Variants in RBFOX1 observed in about 807,000 individuals in gnomAD.
RBFOX1 encodes RNA binding fox-1 homolog 1.
Under a neutral mutation model 57.7 loss-of-function variants are expected in RBFOX1, and 8 were observed. The ratio of observed to expected loss-of-function variants is 0.14; its 90% CI spans 0.08 to 0.25. The LOEUF is 0.25. RBFOX1 is among the 10% of genes least tolerant of loss of function. RBFOX1 has a pLI of 1.00. For synonymous variants in RBFOX1, 326 were observed against 222.4 expected, an observed-to-expected ratio of 1.47 and a Z score of -4.15; for missense variants, 611 against 548.5, an observed-to-expected ratio of 1.11 and a Z score of -1.14.
At chr16:7,696,555 G>A (rs185473386) in intron 14 of RBFOX1, among the ~76,000 whole-genome samples, 5 of 146,478 alleles carry the variant, frequency 3.4e-5, no homozygotes, top group East Asian at 1.9e-4. Flanking sequence ...CATTTTAGTC[G>A]ATTAATATCT....
intron 14 of RBFOX1, among the ~76,000 whole-genome samples, chr16:7,688,713 C>T (rs770607818): frequency 6.6e-6 from 1 of 152,000 alleles, no homozygotes; most frequent in Non-Finnish European, 1.5e-5. Flanking sequence ...GATGGTTGAT[C>T]TATAAAACCA....
At chr16:6,418,414 G>T (rs1450151012) in intron 2 of RBFOX1, among the ~76,000 whole-genome samples, 1 of 151,832 alleles carries the variant, frequency 6.6e-6, no homozygotes, top group Non-Finnish European at 1.5e-5. Flanking sequence ...AAACCTGGGA[G>T]TTATAAAGTA....
chr16:7,070,427 CA>C (rs2057091700), intron 4 of RBFOX1, among the ~76,000 whole-genome samples: 1 of 152,140 alleles, frequency 6.6e-6, no homozygotes, highest in African/African-American at 2.4e-5. Flanking sequence ...ATTCTGATAA[CA>C]ACTTAGAGAT....
At position 5,412,573 on chromosome 16, in the gene RBFOX1, G is replaced by C. The variant is rs891410242; in HGVS notation, c.220-54643G>C. Among the ~76,000 whole-genome samples, 8 of 152,158 alleles carry C rather than the reference G, an allele frequency of 5.3e-5. No individual in the cohort carries two copies. In the East Asian group the frequency reaches 1.5e-3, roughly 29 times the overall value. On this transcript the variant is annotated intron_variant, in intron 1 of 2. Transcript: ENST00000585867. Reference sequence around the variant, plus strand: ...GTCATTACAGTGGGATGGGCGTGAAGACTCCCCTGGAAGGGTTTAGAGTAG... The same window carrying C: ...GTCATTACAGTGGGATGGGCGTGAACACTCCCCTGGAAGGGTTTAGAGTAG...
intron 1 of RBFOX1, among the ~76,000 whole-genome samples, chr16:5,359,513 G>T (rs137859918): frequency 1.7e-4 from 26 of 152,260 alleles, no homozygotes; most frequent in Middle Eastern, 6.8e-3. Flanking sequence ...ATTTTAACTG[G>T]GGTGCGATGG....
intron 1 of RBFOX1, among the ~76,000 whole-genome samples, chr16:6,193,368 A>ATATATACATTATATG (rs1555545292): frequency 1.7e-5 from 2 of 114,302 alleles, no homozygotes; most frequent in African/African-American, 6.7e-5. Context: ...ATATATATAT[A>ATATATACATTATATG]TATATATACA....
intron 1 of RBFOX1, among the ~76,000 whole-genome samples, chr16:5,316,827 T>C (rs997520548): frequency 6.6e-6 from 1 of 152,166 alleles, no homozygotes; most frequent in African/African-American, 2.4e-5. Flanking sequence ...TCTGAGGGTG[T>C]TGCTGGAGGA....
chr16:5,702,585 G>A (rs1393522411), intron 3 of RBFOX1, among the ~76,000 whole-genome samples: 1 of 152,144 alleles, frequency 6.6e-6, no homozygotes, highest in African/African-American at 2.4e-5. Flanking sequence ...TTTGAGAGAG[G>A]ATTTTATACT....
At chr16:7,304,985 T>G (rs1209051848) in intron 4 of RBFOX1, among the ~76,000 whole-genome samples, 2 of 149,192 alleles carry the variant, frequency 1.3e-5, no homozygotes, top group Non-Finnish European at 3.0e-5. Flanking sequence ...TGGTGCTATA[T>G]TCGGTCCGCA....
chr16:5,712,783 C>T (rs1408524006), intron 3 of RBFOX1, among the ~76,000 whole-genome samples: 3 of 152,168 alleles, frequency 2.0e-5, no homozygotes, highest in Non-Finnish European at 4.4e-5. Flanking sequence ...TTCCTGGCTC[C>T]CTCTGATCTG....
chr16:6,536,944 C>G (rs914667574), intron 2 of RBFOX1, among the ~76,000 whole-genome samples: 6 of 152,106 alleles, frequency 3.9e-5, no homozygotes, highest in Non-Finnish European at 8.8e-5. Flanking sequence ...ATTTTTGTTT[C>G]TTCTAATACT....
chr16:5,795,126 T>G (rs77730407), intron 3 of RBFOX1, among the ~76,000 whole-genome samples: 6,043 of 152,232 alleles, frequency 0.04, 391 homozygotes, highest in African/African-American at 0.13. Context: ...TTATATTGTT[T>G]CTGTAGATCA....
At position 6,875,457 on chromosome 16, in the gene RBFOX1, C is replaced by T. The variant is rs987294435; in HGVS notation, c.-15-176600C>T. Among the ~76,000 whole-genome samples the T allele has an allele frequency of 5.9e-5, 9 of 152,160 alleles. No individual in the cohort carries two copies. The South Asian group carries it at 8.3e-4, about 14-fold the overall frequency. On this transcript the variant is annotated intron_variant, in intron 3 of 15. Coordinates refer to ENST00000550418, the MANE Select transcript of RBFOX1 (RefSeq NM_018723.4). ...TTCTTCCCAGGACTCACACAAGATT[C>T]GCTGAGAGTCTTCGAATTTTTTGAA...
chr16:7,684,385 G>A (rs1186808707), intron 14 of RBFOX1, among the ~76,000 whole-genome samples: 1 of 152,084 alleles, frequency 6.6e-6, no homozygotes, highest in South Asian at 2.1e-4. Flanking sequence ...AGGGAGAATA[G>A]AAGGAGTAAC....
At position 7,330,727 on chromosome 16, in the gene RBFOX1, C is replaced by T. The variant is rs190976687; in HGVS notation, c.28-187420C>T. Reference sequence around the variant, plus strand: ...TGTTGCCTGAATGATGGAATTAAGTCTCCTGCCTTCTGGTCCAGTGGTCTT... The same window carrying T: ...TGTTGCCTGAATGATGGAATTAAGTTTCCTGCCTTCTGGTCCAGTGGTCTT... On this transcript the variant is annotated intron_variant, in intron 4 of 15. Transcript: ENST00000550418. Among the ~76,000 whole-genome samples, 3 of 151,998 alleles carry T rather than the reference C, an allele frequency of 2.0e-5. No homozygotes were observed. The East Asian group carries it at 5.8e-4, about 29-fold the overall frequency.
At chr16:6,511,937 C>T (rs1248466155) in intron 2 of RBFOX1, among the ~76,000 whole-genome samples, 1 of 151,940 alleles carries the variant, frequency 6.6e-6, no homozygotes, top group East Asian at 1.9e-4. Flanking sequence ...GTCAGTATTT[C>T]ATAACAGCCA....
At chr16:7,074,416 C>T (rs867202907) in intron 4 of RBFOX1, among the ~76,000 whole-genome samples, 10 of 151,996 alleles carry the variant, frequency 6.6e-5, no homozygotes, top group Middle Eastern at 3.4e-3. Flanking sequence ...AATTATTTTG[C>T]ATCAACCTAA....
intron 2 of RBFOX1, among the ~76,000 whole-genome samples, chr16:5,484,455 C>A (rs1208384518): frequency 6.6e-6 from 1 of 152,210 alleles, no homozygotes; most frequent in African/African-American, 2.4e-5. Context: ...GGAAGTGACA[C>A]CCCATTCCCT....
At position 6,061,662 on chromosome 16, in the gene RBFOX1, C is replaced by G. The variant is rs565410849; in HGVS notation, c.-127+41670C>G. 1.6e-3 allele frequency among the ~76,000 whole-genome samples: 250 copies of G among 151,986 alleles called. 3 individuals carry two copies. Among genetic ancestry groups the G allele is most frequent in the Non-Finnish European group, 4.3e-4 (29 of 67,966 alleles). ...TTTATTCTTAACAATATAAATAAAT[C>G]TCTATGGATAAATCTATGTACATAG... On this transcript the variant is annotated intron_variant, in intron 1 of 15. Coordinates refer to ENST00000550418, the MANE Select transcript of RBFOX1 (RefSeq NM_018723.4).
Sources: gnomAD v4.1 joint callset for allele counts (sites outside exome capture counted in the v4.1 genomes callset) on GRCh38, gnomAD v4.1.1 for gene constraint, MANE v1.5 for transcripts, NCBI Gene and HGNC (gene_info 2026-07-23, HGNC 2026-07-21) for gene names.